The following CCDC7 variants were observed in gnomAD, a reference collection of about 807,000 sequenced individuals.
CCDC7 encodes coiled-coil domain-containing protein 7.
In CCDC7, 183 loss-of-function variants were observed where a neutral mutation model predicts 196.9. The observed-to-expected ratio is 0.93, with a 90% CI of 0.82 to 1.05. The LOEUF (loss-of-function observed/expected upper bound fraction) is 1.05. Ranked by LOEUF, CCDC7 falls within the 50% of genes least tolerant of loss-of-function variation. CCDC7 has a pLI of 0.00. For missense variants in CCDC7, 1,540 were observed against 1,482.2 expected (o/e 1.04, Z -0.64); for synonymous variants, 525 against 484.6 (o/e 1.08, Z -1.10).
intron 40 of CCDC7, among the ~76,000 whole-genome samples, chr10:32,853,436 C>T (rs570040736): frequency 6.6e-6 from 1 of 152,202 alleles, no homozygotes; most frequent in East Asian, 1.9e-4. Context: ...TTCAAGCAAA[C>T]ACTTGCCTTA....
intron 28 of CCDC7, among the ~76,000 whole-genome samples, chr10:32,762,488 A>G (rs2077609398): frequency 1.3e-5 from 2 of 151,786 alleles, no homozygotes; most frequent in Admixed American, 1.3e-4. Flanking sequence ...CAAAAATTCT[A>G]TAACTTCTAT....
chr10:32,699,449 A>G (rs1237241015), intron 24 of CCDC7, among the ~76,000 whole-genome samples: 1 of 150,982 alleles, frequency 6.6e-6, no homozygotes, highest in Non-Finnish European at 1.5e-5. Context: ...AACCCAGTCT[A>G]TCATTGTTGG....
chr10:32,643,420 C>T (rs2139949256), intron 20 of CCDC7, among the ~76,000 whole-genome samples: 1 of 151,922 alleles, frequency 6.6e-6, no homozygotes, highest in East Asian at 1.9e-4. Flanking sequence ...TGTAAATCAC[C>T]TATAGTTAGA....
chr10:32,481,955 C>A lies in CCDC7; in HGVS notation c.796+7932C>A, dbSNP rs149893694. ...TTCTCTTTTTGTCTTTAATTTTTGACAGTTTGGTTATAATACATTTTGATG... is the reference window on the plus strand; with the variant it reads ...TTCTCTTTTTGTCTTTAATTTTTGAAAGTTTGGTTATAATACATTTTGATG... On this transcript the variant is annotated intron_variant, in intron 8 of 41. Coordinates refer to ENST00000639629, the Ensembl canonical transcript of CCDC7. Among the ~76,000 whole-genome samples, 943 of 152,154 alleles carry A rather than the reference C, an allele frequency of 6.2e-3. 5 individuals are homozygous for A. Among genetic ancestry groups the A allele is most frequent in the Non-Finnish European group, 9.6e-3 (655 of 67,992 alleles).
At chr10:32,626,286 T>C (rs970303888) in intron 18 of CCDC7, among the ~76,000 whole-genome samples, 1 of 152,122 alleles carries the variant, frequency 6.6e-6, no homozygotes, top group Non-Finnish European at 1.5e-5. Flanking sequence ...CATATCATTG[T>C]GGTTTTAATT....
chr10:32,804,960 ATTCC>A, intron 29 of CCDC7, 51 bp from the exon 31 acceptor site: 1 of 1,086,768 alleles, frequency 9.2e-7, no homozygotes, highest in Non-Finnish European at 1.4e-6. Flanking sequence ...CACCCCTCAC[ATTCC>A]TATGTAAGGA....
chr10:32,593,497 T>C (rs1199264492), intron 18 of CCDC7, among the ~76,000 whole-genome samples: 2 of 152,234 alleles, frequency 1.3e-5, no homozygotes, highest in African/African-American at 4.8e-5. Flanking sequence ...ATTCTGTAGG[T>C]TGCCTGTTCA....
chr10:32,839,736 T>C (rs60997073), intron 33 of CCDC7, among the ~76,000 whole-genome samples: 13,397 of 151,920 alleles, frequency 0.088, 858 homozygotes, highest in East Asian at 0.33. Context: ...TTCTCCAAGA[T>C]AGACCATATG....
intron 14 of CCDC7, among the ~76,000 whole-genome samples, chr10:32,567,313 G>C (rs2056971848): frequency 6.6e-6 from 1 of 151,368 alleles, no homozygotes; most frequent in Non-Finnish European, 1.5e-5. Context: ...TTCATTCTTT[G>C]ATATTATAGG....
At chr10:32,584,366 T>C (rs960743435) in intron 18 of CCDC7, 62 bp downstream of exon 19, 9 of 1,091,742 alleles carry the variant, frequency 8.2e-6, no homozygotes, top group Non-Finnish European at 1.2e-5. Flanking sequence ...TTCCATGATA[T>C]AATTATAAAT....
At chr10:32,865,957 C>T (rs2094187636) in intron 41 of CCDC7, among the ~76,000 whole-genome samples, 1 of 151,722 alleles carries the variant, frequency 6.6e-6, no homozygotes, top group Non-Finnish European at 1.5e-5. Flanking sequence ...AAAATATCTG[C>T]ATGAACCCAC....
At chr10:32,878,721 C>T (rs997458826), downstream of CCDC7, among the ~76,000 whole-genome samples, 1 of 152,078 alleles carries the variant, frequency 6.6e-6, no homozygotes, top group Non-Finnish European at 1.5e-5. Context: ...GTGAGAAACT[C>T]AATAGCTGAC....
At chr10:32,534,737 G>T (rs2050202575) in intron 11 of CCDC7, among the ~76,000 whole-genome samples, 1 of 152,090 alleles carries the variant, frequency 6.6e-6, no homozygotes, top group Non-Finnish European at 1.5e-5. Flanking sequence ...ATTTGGGAAT[G>T]AATATTCCTT....
intron 36 of CCDC7, 110 bp downstream of exon 37, chr10:32,846,069 A>G: frequency 2.5e-6 from 2 of 805,582 alleles, no homozygotes; most frequent in Non-Finnish European, 4.2e-6. Context: ...AGTACTTTCC[A>G]TAGCAAAAGA....
At chr10:32,624,946 C>T (rs929006753) in intron 18 of CCDC7, among the ~76,000 whole-genome samples, 1 of 136,608 alleles carries the variant, frequency 7.3e-6, no homozygotes, top group Non-Finnish European at 1.6e-5. Flanking sequence ...CATAGGTTGC[C>T]TTTTCATTTC....
upstream of CCDC7, chr10:32,451,525 A>G (rs773155816): frequency 1.5e-6 from 2 of 1,373,278 alleles, no homozygotes; most frequent in Non-Finnish European, 1.9e-6. Context: ...TCAGAAAAAG[A>G]GAAATGTAGT....
chr10:32,670,547 C>A (rs1433976303), intron 21 of CCDC7, among the ~76,000 whole-genome samples: 1 of 123,270 alleles, frequency 8.1e-6, no homozygotes, highest in African/African-American at 3.1e-5. Flanking sequence ...CCCCCTCCCC[C>A]CACCCCACAA....
chr10:32,725,311 AAAAC>A (rs761424917), intron 25 of CCDC7: 4 of 470,852 alleles, frequency 8.5e-6, no homozygotes, highest in South Asian at 6.2e-5. Context: ...TACTACTACA[AAAAC>A]AAACCTACTA....
At chr10:32,522,989 G>A (rs925796265) in intron 11 of CCDC7, among the ~76,000 whole-genome samples, 2 of 151,934 alleles carry the variant, frequency 1.3e-5, no homozygotes, top group African/African-American at 2.4e-5. Context: ...TTTTGTTATT[G>A]ATTTGTGGTT....
Sources: allele counts gnomAD v4.1 joint callset (sites outside exome capture counted in the v4.1 genomes callset), GRCh38; gene constraint gnomAD v4.1.1; transcripts MANE v1.5; gene names NCBI Gene and HGNC (gene_info 2026-07-23, HGNC 2026-07-21).